The following CDK18 variants were observed in gnomAD, a reference collection of about 807,000 sequenced individuals.
CDK18 encodes cyclin-dependent kinase 18.
In CDK18, 52 loss-of-function variants were observed where a neutral mutation model predicts 62.0. The observed-to-expected ratio is 0.84, with a 90% confidence interval of 0.67 to 1.06. The LOEUF is 1.06. Ranked by LOEUF, CDK18 falls within the 50% of genes least tolerant of loss-of-function variation. The pLI is 0.00. For missense variants in CDK18, 604 were observed against 619.9 expected (o/e 0.97, Z 0.27); for synonymous variants, 237 against 247.0 (o/e 0.96, Z 0.38).
At chr1:205,529,928 A>C (rs1668653115) in intron 13 of CDK18, 19 of 1,385,218 alleles carry the variant, frequency 1.4e-5, no homozygotes, top group East Asian at 8.5e-5. Context: ...GCACACGATG[A>C]AGGGTTGTTA....
At chr1:205,507,417 G>T (rs1387795306) in intron 1 of CDK18, among the ~76,000 whole-genome samples, 1 of 151,578 alleles carries the variant, frequency 6.6e-6, no homozygotes, top group Admixed American at 6.6e-5. Flanking sequence ...GGATCACGAG[G>T]TCAGGAGATC....
At position 205,525,136 on chromosome 1, in the gene CDK18, C is replaced by A; in HGVS notation, c.400-3C>A. The A allele has an allele frequency of 1.2e-6, 2 of 1,605,088 alleles. No homozygotes were observed. Among genetic ancestry groups the A allele is most frequent in the South Asian group, 1.1e-5 (1 of 90,244 alleles). ...CACGGCATTCTATGTCTCTCCCTCTCAGTCAGACATTGGCTTTGGGAAACT... is the reference window on the plus strand; with the variant it reads ...CACGGCATTCTATGTCTCTCCCTCTAAGTCAGACATTGGCTTTGGGAAACT... On this transcript the variant is annotated splice_region_variant and splice_polypyrimidine_tract_variant and intron_variant, in intron 4 of 15. Coordinates refer to ENST00000429964, the MANE Select transcript of CDK18 (RefSeq NM_212502.3).
rs776909148 is a variant in CDK18 at position 205,530,319 on chromosome 1, C to T, written c.1282C>T (p.Leu428=). Residue 428 remains leucine, a synonymous_variant, in exon 14 of 16, where the codon CTG becomes TTG. Coordinates refer to ENST00000429964, the MANE Select transcript of CDK18 (RefSeq NM_212502.3). ...CCTGAGTCACTCCTACTTCCGGTCTCTGGGAGAGCGTGTGCACCAGCTTGA... is the reference window on the plus strand; with the variant it reads ...CCTGAGTCACTCCTACTTCCGGTCTTTGGGAGAGCGTGTGCACCAGCTTGA... The part of the protein sequence containing the change: ...AALSHSYFRS[L]GERVHQLEDT... The T allele has an allele frequency of 3.7e-6, 6 of 1,613,252 alleles. No homozygotes were observed. Among genetic ancestry groups the T allele is most frequent in the Non-Finnish European group, 5.1e-6 (6 of 1,180,032 alleles).
intron 15 of CDK18, 68 bp from the exon 16 acceptor site, chr1:205,531,276 C>A: frequency 1.4e-6 from 2 of 1,440,036 alleles, no homozygotes; most frequent in Non-Finnish European, 2.0e-6. Context: ...AGCGACTGTC[C>A]CTGCTGACCT....
chr1:205,527,841 C>G lies in CDK18; in HGVS notation c.777C>G (p.Arg259=), dbSNP rs1668518636. 6.2e-7 allele frequency: 1 copy of G among 1,614,064 alleles called. No homozygotes were observed. The highest frequency in any genetic ancestry group is 2.2e-5 in the East Asian group (1 of 44,870). ...LLRGLAYCHH[R]KILHRDLKPQ... ...GGGGCCTCGCCTACTGTCACCACCG[C>G]AAGATCCTGCACCGGGACCTGAAGC... Residue 259 remains arginine (R), a synonymous_variant, in exon 9 of 16, where the codon CGC becomes CGG. Transcript: ENST00000429964. This position sits in a 1 kb window ranked among gnomAD's most constrained non-coding sequence, Gnocchi z 4.1.
intron 1 of CDK18, among the ~76,000 whole-genome samples, chr1:205,521,724 CCAGA>C (rs1668139354): frequency 6.6e-6 from 1 of 152,224 alleles, no homozygotes; most frequent in African/African-American, 2.4e-5. Context: ...GCATGCGCTG[CCAGA>C]CAGAGGACCC....
chr1:205,507,633 C>CAAAAAAAA (rs56313401), intron 1 of CDK18, among the ~76,000 whole-genome samples: 1 of 72,198 alleles, frequency 1.4e-5, no homozygotes, highest in Non-Finnish European at 2.5e-5. Flanking sequence ...GACTCCGTCT[C>CAAAAAAAA]AAAAAAAAAA....
intron 3 of CDK18, chr1:205,523,836 C>A: frequency 3.0e-6 from 2 of 677,860 alleles, no homozygotes; most frequent in South Asian, 4.1e-5. Context: ...ATGGGTTTAT[C>A]TATGCCAAGT....
At position 205,531,796 on chromosome 1, in the gene CDK18, C is replaced by A; in HGVS notation, c.*418C>A. ...ACCTGCCTAGTGCCAGTTTGGTAGT[C>A]CCCCTTTCTGGCCCCTTGGAGCCCA... On this transcript the variant is annotated 3_prime_UTR_variant, in exon 16 of 16. Transcript: ENST00000429964. 5.1e-6 allele frequency: 1 copy of A among 194,336 alleles called. No homozygotes were observed. The highest frequency in any genetic ancestry group is 1.0e-4 in the South Asian group (1 of 10,038). The allele number at this position is 194,336 out of a possible 1,614,324, so 12.0% of individuals were successfully genotyped here. A position where few individuals can be genotyped will look rare whatever the true frequency, so the allele number is the denominator to read the frequency against.
chr1:205,524,166 G>C, intron 3 of CDK18, 66 bp from the exon 4 acceptor site: 5 of 1,593,958 alleles, frequency 3.1e-6, no homozygotes, highest in Non-Finnish European at 4.3e-6. Context: ...TGAAAGTCTG[G>C]AGCCCCACAG....
chr1:205,513,808 A>G (rs1175533482), intron 1 of CDK18, among the ~76,000 whole-genome samples: 2 of 152,198 alleles, frequency 1.3e-5, no homozygotes. Context: ...GGTTCTTCTC[A>G]TTCCAGTCCA....
intron 1 of CDK18, among the ~76,000 whole-genome samples, chr1:205,515,956 A>G (rs1388370535): frequency 3.3e-5 from 5 of 152,044 alleles, no homozygotes; most frequent in Non-Finnish European, 1.5e-5. Flanking sequence ...GGCTATCCTC[A>G]TTTCTGGCCA....
At chr1:205,518,296 G>T (rs1667928585) in intron 1 of CDK18, among the ~76,000 whole-genome samples, 1 of 152,206 alleles carries the variant, frequency 6.6e-6, no homozygotes, top group Non-Finnish European at 1.5e-5. Flanking sequence ...TATTAGGAAA[G>T]GAATTAATGT....
At position 205,523,232 on chromosome 1, in the gene CDK18, C is replaced by G; in HGVS notation, c.65C>G (p.Thr22Ser). 2 of 1,614,122 alleles carry G rather than the reference C, an allele frequency of 1.2e-6. No homozygotes were observed. The highest frequency in any genetic ancestry group is 2.7e-5 in the African/African-American group (2 of 75,030). Residue 22 changes from threonine (T) to serine (S), a missense_variant, in exon 2 of 16, where the codon ACC becomes AGC. Thr to Ser is a moderately conservative substitution (Grantham distance 58). Coordinates refer to ENST00000429964, the MANE Select transcript of CDK18 (RefSeq NM_212502.3). The stretch of plus-strand genomic sequence containing the variant: ...TCCCTGTCAGTGCCCCGCACTGAGA[C>G]CATTGAAGAATCCTTGGCTGAATTC... ...RFSLSVPRTE[T>S]IEESLAEFTE...
chr1:205,523,917 T>C (rs1181987372), intron 3 of CDK18, among the ~76,000 whole-genome samples: 1 of 152,230 alleles, frequency 6.6e-6, no homozygotes, highest in African/African-American at 2.4e-5. Flanking sequence ...TATGCCCAAG[T>C]ATATGAAAAA....
chr1:205,511,923 G>C (rs767332249), intron 1 of CDK18, among the ~76,000 whole-genome samples: 3 of 152,074 alleles, frequency 2.0e-5, no homozygotes, highest in Non-Finnish European at 4.4e-5. Flanking sequence ...GTGTGGTGTC[G>C]TGCGCTTGTA....
At chr1:205,508,860 G>T (rs1485508143) in intron 1 of CDK18, among the ~76,000 whole-genome samples, 2 of 149,616 alleles carry the variant, frequency 1.3e-5, no homozygotes, top group African/African-American at 4.9e-5. Flanking sequence ...AATTGAAAAG[G>T]GTCTTAGGCC....
intron 1 of CDK18, among the ~76,000 whole-genome samples, chr1:205,506,929 C>T (rs555508524): frequency 4.6e-5 from 7 of 152,340 alleles, no homozygotes; most frequent in East Asian, 3.9e-4. Context: ...TGCAAACCCC[C>T]GCTCAGGTCT....
Position 205,525,213 on chromosome 1 carries a change from GTCT to G in CDK18, c.456+22_456+24del. ...TGGGAGAGGTAAGACGCTGGGTTTG[GTCT>G]TCTCCGAATAGCCAGGCAGGATGGC... On this transcript the variant is annotated intron_variant, in intron 5 of 15. Coordinates refer to ENST00000429964, the MANE Select transcript of CDK18 (RefSeq NM_212502.3). 2 of 1,599,418 alleles carry G rather than the reference GTCT, an allele frequency of 1.3e-6. No homozygotes were observed. The highest frequency in any genetic ancestry group is 1.3e-5 in the African/African-American group (1 of 74,724).
Sources: gnomAD v4.1 joint callset for allele counts (sites outside exome capture counted in the v4.1 genomes callset) on GRCh38, gnomAD v4.1.1 for gene constraint, Gnocchi (gnomAD v3.1) non-coding constraint, MANE v1.5 for transcripts, NCBI Gene and HGNC (gene_info 2026-07-23, HGNC 2026-07-21) for gene names.